Variants in ANKRD13C observed in about 807,000 individuals in gnomAD.
ANKRD13C encodes ankyrin repeat domain 13C.
In ANKRD13C, 16 loss-of-function variants were observed where a neutral mutation model predicts 65.5. The observed-to-expected ratio is 0.24, with a 90% CI of 0.17 to 0.37. The LOEUF is 0.37. Among genes scored for constraint, ANKRD13C ranks in the 10% least tolerant of loss-of-function variants. ANKRD13C has a pLI of 1.00. For missense variants in ANKRD13C, 503 were observed against 655.9 expected, an observed-to-expected ratio of 0.77 and a Z score of 2.55; for synonymous variants, 235 against 238.7, an observed-to-expected ratio of 0.98 and a Z score of 0.14.
At chr1:70,303,485 A>T (rs1572093005) in intron 6 of ANKRD13C, among the ~76,000 whole-genome samples, 1 of 152,348 alleles carries the variant, frequency 6.6e-6, no homozygotes, top group East Asian at 1.9e-4. Flanking sequence ...ATCCTGAAGT[A>T]AGACAAAAAG....
intron 2 of ANKRD13C, among the ~76,000 whole-genome samples, chr1:70,335,211 ACTGG>A (rs1681969201): frequency 6.6e-6 from 1 of 151,894 alleles, no homozygotes; most frequent in Non-Finnish European, 1.5e-5. Flanking sequence ...TCGAGACCAG[ACTGG>A]CCAACATGGT....
chr1:70,291,262 C>A (rs1344402077), intron 9 of ANKRD13C, among the ~76,000 whole-genome samples: 2 of 152,142 alleles, frequency 1.3e-5, no homozygotes, highest in African/African-American at 4.8e-5. Flanking sequence ...CTCAGGTGAT[C>A]CGCCCACCTT....
intron 1 of ANKRD13C, among the ~76,000 whole-genome samples, chr1:70,353,745 G>A (rs1418954287): frequency 6.6e-6 from 1 of 152,302 alleles, no homozygotes; most frequent in Admixed American, 6.5e-5. Context: ...AAACAAAACA[G>A]CTTCTCACGA....
intron 12 of ANKRD13C, among the ~76,000 whole-genome samples, chr1:70,264,475 C>CAAA (rs57312096): frequency 1.2e-4 from 6 of 48,940 alleles, no homozygotes; most frequent in Non-Finnish European, 2.1e-4. Context: ...GACTCTATCT[C>CAAA]AAAAAAAAAA....
intron 9 of ANKRD13C, 82 bp downstream of exon 9, chr1:70,292,306 A>G (rs1284787208): frequency 1.1e-5 from 12 of 1,071,354 alleles, no homozygotes; most frequent in Middle Eastern, 2.7e-4. Context: ...GTACATTTAT[A>G]TACTTACTGA....
chr1:70,305,117 AAAC>A lies in ANKRD13C; in HGVS notation c.776+1104_776+1106del, dbSNP rs960717558. Among the ~76,000 whole-genome samples, 10 of 152,270 alleles carry A rather than the reference AAAC, an allele frequency of 6.6e-5. No homozygotes were observed. In the East Asian group the frequency reaches 7.7e-4, roughly 12 times the overall value. On this transcript the variant is annotated intron_variant, in intron 6 of 12. Transcript: ENST00000370944. Reference sequence around the variant, plus strand: ...TATTATCTAAAAAAAGAAAAAACAAAAACAACAACAACAACAAAAACAGAAATA... The same window carrying A: ...TATTATCTAAAAAAAGAAAAAACAAAAACAACAACAACAAAAACAGAAATA...
At chr1:70,267,426 G>T (rs1448606833) in intron 12 of ANKRD13C, among the ~76,000 whole-genome samples, 1 of 152,014 alleles carries the variant, frequency 6.6e-6, no homozygotes, top group Non-Finnish European at 1.5e-5. Flanking sequence ...AATGAGTACA[G>T]TGGCGCGATC....
chr1:70,330,244 G>A (rs1681725736), intron 2 of ANKRD13C, among the ~76,000 whole-genome samples: 2 of 152,164 alleles, frequency 1.3e-5, no homozygotes, highest in South Asian at 4.2e-4. Context: ...TGTGAAAAAC[G>A]CAAATTATGA....
rs998535710 is a variant in ANKRD13C, at chr1:70,259,424, T to C, written c.*3293A>G. Among the ~76,000 whole-genome samples, 28 of 152,316 alleles carry C rather than the reference T, an allele frequency of 1.8e-4. No individual in the cohort carries two copies. The highest frequency in any genetic ancestry group is 5.1e-4 in the African/African-American group (21 of 41,582). On this transcript the variant is annotated 3_prime_UTR_variant, in exon 13 of 13. Transcript: ENST00000370944. ...GTAATTCTATGTACCATAGGTACCA[T>C]TATGACTGAAAGTATTACTCTTCTA...
chr1:70,280,592 G>A (rs1190910904), intron 9 of ANKRD13C, among the ~76,000 whole-genome samples: 1 of 152,168 alleles, frequency 6.6e-6, no homozygotes, highest in African/African-American at 2.4e-5. Flanking sequence ...ACCAACTGTG[G>A]AGCCAGAGTG....
rs780473192 is a variant in ANKRD13C at position 70,300,925 on chromosome 1, G to A, written c.777-17C>T. On this transcript the variant is annotated splice_polypyrimidine_tract_variant and intron_variant, in intron 6 of 12. Transcript: ENST00000370944. ...GTGTCAAGCCTGTGAAACATGGGTA[G>A]ATGATAAACTCTGACAAATATAATT... The A allele has an allele frequency of 3.1e-6, 5 of 1,596,988 alleles. No homozygotes were observed. In the African/African-American group the frequency reaches 6.8e-5, roughly 22 times the overall value.
At chr1:70,333,568 A>G (rs1681898207) in intron 2 of ANKRD13C, among the ~76,000 whole-genome samples, 1 of 152,216 alleles carries the variant, frequency 6.6e-6, no homozygotes, top group South Asian at 2.1e-4. Context: ...TAAGTCTGCC[A>G]TCACCCATCA....
chr1:70,341,097 G>A (rs111641156), intron 1 of ANKRD13C, among the ~76,000 whole-genome samples: 7 of 152,212 alleles, frequency 4.6e-5, no homozygotes, highest in African/African-American at 1.4e-4. Context: ...GCGACAGAGC[G>A]AGACTCCATC....
chr1:70,261,217 A>G lies in ANKRD13C; in HGVS notation c.*1500T>C, dbSNP rs1678378223. The G allele has an allele frequency of 6.6e-6, 1 of 152,102 alleles. No homozygotes were observed. The highest frequency in any genetic ancestry group is 2.4e-5 in the African/African-American group (1 of 41,440). The allele number at this position is 152,102 out of a possible 1,614,324, so 9.4% of individuals were successfully genotyped here. On this transcript the variant is annotated 3_prime_UTR_variant, in exon 13 of 13. Coordinates refer to ENST00000370944, the MANE Select transcript of ANKRD13C (RefSeq NM_030816.5). ...TATTTAATGTCAACATACGCAATGC[A>G]TGTATCAGTATGGAAGATGCAGCTT...
rs143687500 is a variant in ANKRD13C at position 70,328,434 on chromosome 1, G to T, written c.473-3477C>A. Among the ~76,000 whole-genome samples the T allele has an allele frequency of 2.6e-4, 40 of 152,224 alleles. No individual in the cohort carries two copies. The East Asian group carries it at 7.3e-3, about 28-fold the overall frequency. ...TCTCAGGACTTTGGGAGGCCAAGGT[G>T]GGCAGATCACCTGAGGTCGGGAGTT... On this transcript the variant is annotated intron_variant, in intron 2 of 12. Coordinates refer to ENST00000370944, the MANE Select transcript of ANKRD13C (RefSeq NM_030816.5).
At chr1:70,300,524 G>T (rs151067777) in intron 7 of ANKRD13C, among the ~76,000 whole-genome samples, 21 of 152,108 alleles carry the variant, frequency 1.4e-4, no homozygotes, top group African/African-American at 4.6e-4. Flanking sequence ...GGAGGCGGAG[G>T]TTGCAGTGAG....
chr1:70,304,586 A>G (rs1375088286), intron 6 of ANKRD13C, among the ~76,000 whole-genome samples: 1 of 152,000 alleles, frequency 6.6e-6, no homozygotes, highest in Non-Finnish European at 1.5e-5. Context: ...TTTTGTAAAG[A>G]TGGGGTTTTG....
At chr1:70,329,864 G>A (rs142220025) in intron 2 of ANKRD13C, among the ~76,000 whole-genome samples, 26 of 152,058 alleles carry the variant, frequency 1.7e-4, no homozygotes, top group African/African-American at 4.3e-4. Flanking sequence ...AGGCTGAGGC[G>A]GGCGGATCAG....
At chr1:70,309,715 CA>C (rs1165416550) in intron 5 of ANKRD13C, among the ~76,000 whole-genome samples, 1,896 of 138,794 alleles carry the variant, frequency 0.014, 13 homozygotes, top group South Asian at 0.018. Context: ...GACTCCGTCG[CA>C]AAAAAAAAAA....
Sources: gnomAD v4.1 joint callset for allele counts (sites outside exome capture counted in the v4.1 genomes callset) on GRCh38, gnomAD v4.1.1 for gene constraint, MANE v1.5 for transcripts, NCBI Gene and HGNC (gene_info 2026-07-23, HGNC 2026-07-21) for gene names.